SYNE1: variants seen among roughly 807,000 people sequenced by gnomAD.
The protein encoded by SYNE1 is spectrin repeat containing nuclear envelope protein 1.
SYNE1 carries 616 observed loss-of-function variants against 1,111.0 expected under a neutral mutation model. The observed-to-expected ratio is 0.55, with a 90% CI of 0.52 to 0.59. The LOEUF (loss-of-function observed/expected upper bound fraction) is 0.59. Ranked by LOEUF, SYNE1 falls within the 20% of genes least tolerant of loss-of-function variation. The probability of loss-of-function intolerance (pLI) is 0.00; values close to 1 mark genes in which losing one functional copy is unlikely to be tolerated. For synonymous variants in SYNE1, 3,855 were observed against 3,825.8 expected (o/e 1.01, Z -0.28); for missense variants, 10,006 against 10,417.0 (o/e 0.96, Z 1.72).
chr6:152,365,413 C>T (rs2097054360), intron 62 of SYNE1, among the ~76,000 whole-genome samples: 1 of 152,250 alleles, frequency 6.6e-6, no homozygotes, highest in Non-Finnish European at 1.5e-5. Flanking sequence ...TTATATATTT[C>T]ATGTTCTTCA....
intron 8 of SYNE1, among the ~76,000 whole-genome samples, chr6:152,508,613 G>A (rs1450148053): frequency 6.6e-6 from 1 of 152,188 alleles, no homozygotes; most frequent in Non-Finnish European, 1.5e-5. Flanking sequence ...TTATTACAAA[G>A]TTTAATTGCA....
At chr6:152,267,393 T>C (rs2092812049) in intron 100 of SYNE1, among the ~76,000 whole-genome samples, 1 of 152,212 alleles carries the variant, frequency 6.6e-6, no homozygotes, top group Admixed American at 6.5e-5. Flanking sequence ...ACTTCTGTGA[T>C]GACCTTAGTG....
At chr6:152,306,759 T>G (rs546460082) in intron 91 of SYNE1, among the ~76,000 whole-genome samples, 3 of 150,952 alleles carry the variant, frequency 2.0e-5, no homozygotes, top group African/African-American at 7.3e-5. Context: ...TAGTGGTACA[T>G]GCTCGTAGTC....
intron 3 of SYNE1, among the ~76,000 whole-genome samples, chr6:152,605,183 T>C (rs1583295666): frequency 6.6e-6 from 1 of 151,492 alleles, no homozygotes; most frequent in East Asian, 1.9e-4. Context: ...TTCTAAAAAA[T>C]AACAACTATA....
chr6:152,628,465 C>G lies in SYNE1; in HGVS notation c.-134G>C. ...ATAAATGAATTCCAGGCCTTTGCAG[C>G]ACTCAACAAGGAGGCAGCTCTCCCA... On this transcript the variant is annotated 5_prime_UTR_variant, in exon 3 of 146. Coordinates refer to ENST00000367255, the MANE Select transcript of SYNE1 (RefSeq NM_182961.4). 1 of 872,860 alleles carries G rather than the reference C, an allele frequency of 1.1e-6. No individual in the cohort carries two copies. The allele number at this position is 872,860 out of a possible 1,614,324, so 54.1% of individuals were successfully genotyped here. A position where few individuals can be genotyped will look rare whatever the true frequency, so the allele number is the denominator to read the frequency against.
intron 123 of SYNE1, 137 bp downstream of exon 123, chr6:152,213,475 G>C (rs2077934640): frequency 1.0e-6 from 1 of 1,001,194 alleles, no homozygotes; most frequent in South Asian, 1.3e-5. Context: ...TCAAGCTTAA[G>C]AAAGAAGGCA....
rs1441507558 is a variant in SYNE1, at chr6:152,472,419, A to G, written c.1351-6T>C. The stretch of plus-strand genomic sequence containing the variant: ...TCCGTGTTTTGAAGCAGATCCTAAG[A>G]TACAGTTTAAAAAAAAATAAAAAAT... On this transcript the variant is annotated splice_polypyrimidine_tract_variant and splice_region_variant and intron_variant, in intron 14 of 145. Coordinates refer to ENST00000367255, the MANE Select transcript of SYNE1 (RefSeq NM_182961.4). 2 of 1,610,356 alleles carry G rather than the reference A, an allele frequency of 1.2e-6. No homozygotes were observed. The highest frequency in any genetic ancestry group is 2.2e-5 in the East Asian group (1 of 44,858).
intron 77 of SYNE1, among the ~76,000 whole-genome samples, chr6:152,333,730 T>C (rs1330752817): frequency 1.3e-5 from 2 of 152,152 alleles, no homozygotes; most frequent in African/African-American, 4.8e-5. Flanking sequence ...CCTCCCAGGT[T>C]CAATTGATTC....
At chr6:152,385,538 G>T in intron 55 of SYNE1, 136 bp downstream of exon 55, 2 of 917,066 alleles carry the variant, frequency 2.2e-6, no homozygotes, top group Non-Finnish European at 3.4e-6. Flanking sequence ...TTGTTTATGT[G>T]TAGAATCAGT....
At chr6:152,615,087 A>G (rs2099642044) in intron 3 of SYNE1, among the ~76,000 whole-genome samples, 1 of 152,180 alleles carries the variant, frequency 6.6e-6, no homozygotes, top group East Asian at 1.9e-4. Flanking sequence ...CTACGTATAA[A>G]CCTGCACATG....
chr6:152,384,879 C>CAA (rs200695551), intron 55 of SYNE1, among the ~76,000 whole-genome samples: 50 of 123,462 alleles, frequency 4.0e-4, no homozygotes, highest in African/African-American at 9.3e-4. Flanking sequence ...GACTCCATTT[C>CAA]AAAAAAAAAA....
At chr6:152,381,555 T>C (rs1200125388) in intron 55 of SYNE1, 193 bp from the exon 56 acceptor site, 1 of 628,824 alleles carries the variant, frequency 1.6e-6, no homozygotes, top group Non-Finnish European at 2.8e-6. Flanking sequence ...GCCTAAGGCT[T>C]ATGGCAAAAA....
At chr6:152,270,308 A>G in intron 98 of SYNE1, among the ~76,000 whole-genome samples, 1 of 152,194 alleles carries the variant, frequency 6.6e-6, no homozygotes, top group Non-Finnish European at 1.5e-5. Flanking sequence ...TGTGGTTACC[A>G]TTTTACAAAT....
intron 137 of SYNE1, chr6:152,147,671 G>A (rs1228865472): frequency 3.5e-6 from 1 of 289,734 alleles, no homozygotes; most frequent in African/African-American, 2.2e-5. Flanking sequence ...TCTCTCCCAG[G>A]ACTCCGGCTT....
At chr6:152,598,592 A>G (rs2128614106) in intron 3 of SYNE1, among the ~76,000 whole-genome samples, 1 of 152,340 alleles carries the variant, frequency 6.6e-6, no homozygotes, top group East Asian at 1.9e-4. Flanking sequence ...AGAGTTTCAA[A>G]ATAGCATCAT....
At chr6:152,288,170 C>G (rs2094429305) in intron 95 of SYNE1, among the ~76,000 whole-genome samples, 1 of 151,666 alleles carries the variant, frequency 6.6e-6, no homozygotes, top group Non-Finnish European at 1.5e-5. Context: ...GCAAGAAGAG[C>G]CTCCTAACAA....
rs2097912504 is a variant in SYNE1 at position 152,407,079 on chromosome 6, T to C, written c.6658A>G (p.Met2220Val). 2 of 1,614,076 alleles carry C rather than the reference T, an allele frequency of 1.2e-6. No individual in the cohort carries two copies. The highest frequency in any genetic ancestry group is 2.7e-5 in the African/African-American group (2 of 75,008). ...TCCAGGTTGCTGATGTTTTCTGCCA[T>C]CTGTGGAACGCAGTTGTTTGACCAT... ...EGWSNNCVPQ[M>V]AENISNLDNH... The change falls in exon 45 of 146, where the codon ATG (methionine) becomes GTG (valine). Residue 2220 changes from methionine (M) to valine (V), a missense_variant. Transcript: ENST00000367255.
Position 152,362,249 on chromosome 6 carries a change from C to G in SYNE1, c.10220G>C (p.Ser3407Thr). ...GVRQFSGWMD[S>T]MEANLNESER... ...TGATTCATTCAGGTTGGCTTCCATA[C>G]TATCCATCCAACCGGAGAACTGTCG... The change falls in exon 64 of 146, where the codon AGT becomes ACT. Residue 3407 changes from serine to threonine, a missense_variant. Ser to Thr is a moderately conservative substitution (Grantham distance 58). Around this residue, in one of 7 missense-constraint regions of SYNE1, gnomAD observed 4,955 missense variants for 5,017.2 expected, o/e 0.99. Transcript: ENST00000367255. The G allele has an allele frequency of 2.5e-6, 4 of 1,614,250 alleles. No individual in the cohort carries two copies. Among genetic ancestry groups the G allele is most frequent in the Non-Finnish European group, 3.4e-6 (4 of 1,180,050 alleles).
chr6:152,243,366 T>G (rs1390217555), intron 106 of SYNE1, among the ~76,000 whole-genome samples: 1 of 152,182 alleles, frequency 6.6e-6, no homozygotes, highest in Non-Finnish European at 1.5e-5. Context: ...AAGGCAATAT[T>G]TTTGCCAAAT....
Sources: gnomAD v4.1 joint callset for allele counts (sites outside exome capture counted in the v4.1 genomes callset) on GRCh38, gnomAD v4.1.1 for gene constraint, gnomAD v4.1.1 regional missense constraint, MANE v1.5 for transcripts, NCBI Gene and HGNC (gene_info 2026-07-23, HGNC 2026-07-21) for gene names.